GALNT17: variants seen among roughly 807,000 people sequenced by gnomAD.
The protein encoded by GALNT17 is UDP-GalNAc:polypeptide N-acetylgalactosaminyltransferase-like 3.
Under a neutral mutation model 63.7 loss-of-function variants are expected in GALNT17, and 29 were observed. The observed-to-expected ratio is 0.46, with a 90% CI of 0.34 to 0.62. The LOEUF (loss-of-function observed/expected upper bound fraction) is 0.62. Ranked by LOEUF, GALNT17 falls within the 20% of genes least tolerant of loss-of-function variation. The pLI, the probability that GALNT17 is intolerant of heterozygous loss-of-function variation, is 0.01. For synonymous variants in GALNT17, 305 were observed against 318.3 expected (o/e 0.96, Z 0.45); for missense variants, 603 against 799.6 (o/e 0.75, Z 2.97).
At chr7:71,683,158 G>A (rs1341786060) in intron 9 of GALNT17, among the ~76,000 whole-genome samples, 1 of 152,166 alleles carries the variant, frequency 6.6e-6, no homozygotes, top group Non-Finnish European at 1.5e-5. Context: ...TGGGATGGAC[G>A]CTTGTTAAGT....
At chr7:71,553,207 G>A (rs1330520067) in intron 5 of GALNT17, among the ~76,000 whole-genome samples, 2 of 152,028 alleles carry the variant, frequency 1.3e-5, no homozygotes, top group African/African-American at 4.8e-5. Flanking sequence ...TGTGCCTGTA[G>A]TCCCGGCTAC....
At chr7:71,693,878 G>C (rs1791500110) in intron 9 of GALNT17, among the ~76,000 whole-genome samples, 1 of 151,576 alleles carries the variant, frequency 6.6e-6, no homozygotes, top group South Asian at 2.1e-4. Context: ...GCTGGAGCAA[G>C]ACCCCAGTTA....
intron 5 of GALNT17, among the ~76,000 whole-genome samples, chr7:71,453,034 T>G (rs536080611): frequency 1.3e-4 from 20 of 152,326 alleles, no homozygotes; most frequent in African/African-American, 4.8e-4. Context: ...GGTGGTTTAG[T>G]AAGTCCCAGA....
intron 3 of GALNT17, among the ~76,000 whole-genome samples, chr7:71,400,341 G>A (rs1793218544): frequency 6.6e-6 from 1 of 151,898 alleles, no homozygotes; most frequent in African/African-American, 2.4e-5. Context: ...TTTTTTTTAT[G>A]GCTTCATAGT....
At chr7:71,567,538 C>T (rs974453437) in intron 5 of GALNT17, among the ~76,000 whole-genome samples, 9 of 152,356 alleles carry the variant, frequency 5.9e-5, no homozygotes, top group Admixed American at 2.6e-4. Context: ...GATCTTGGCT[C>T]ACTGCAGCCT....
chr7:71,656,841 C>T (rs1167023980), intron 6 of GALNT17, among the ~76,000 whole-genome samples: 2 of 152,062 alleles, frequency 1.3e-5, no homozygotes, highest in South Asian at 2.1e-4. Context: ...ATTTGAGTGA[C>T]GGAGGTCGTG....
chr7:71,165,858 T>C (rs1408213488), intron 1 of GALNT17, among the ~76,000 whole-genome samples: 1 of 151,936 alleles, frequency 6.6e-6, no homozygotes, highest in Non-Finnish European at 1.5e-5. Context: ...GCTGAGTAGG[T>C]GGAGTATGTG....
intron 5 of GALNT17, among the ~76,000 whole-genome samples, chr7:71,530,546 ATTTAT>A (rs527714669): frequency 0.1 from 2,984 of 28,668 alleles, 115 homozygotes; most frequent in African/African-American, 0.32. Context: ...GAATTTATTT[ATTTAT>A]TTATTTATTT....
chr7:71,653,828 A>G (rs1355372044), intron 6 of GALNT17, among the ~76,000 whole-genome samples: 1 of 152,136 alleles, frequency 6.6e-6, no homozygotes, highest in African/African-American at 2.4e-5. Context: ...AGAAAAGAAC[A>G]TTAGTGCTCC....
At chr7:71,704,491 T>C (rs1192144525) in intron 9 of GALNT17, among the ~76,000 whole-genome samples, 1 of 151,098 alleles carries the variant, frequency 6.6e-6, no homozygotes, top group African/African-American at 2.4e-5. Flanking sequence ...CAACTGCCTT[T>C]TTTTTTTTTT....
chr7:71,386,614 C>G (rs571595348), intron 2 of GALNT17, among the ~76,000 whole-genome samples: 1 of 152,104 alleles, frequency 6.6e-6, no homozygotes, highest in African/African-American at 2.4e-5. Context: ...CACCTGGAGC[C>G]GTGGAGAAGG....
rs184715381 is a variant in GALNT17, at chr7:71,509,278, C to A, written c.963-62007C>A. On this transcript the variant is annotated intron_variant, in intron 5 of 10. Transcript: ENST00000333538. The stretch of plus-strand genomic sequence containing the variant: ...AGTGTTCTGAGCACATGTAATATAG[C>A]CTAGGCTAAGCTGTGATATTCTGGA... Among the ~76,000 whole-genome samples the A allele has an allele frequency of 1.6e-3, 237 of 152,330 alleles. 2 individuals carry two copies. The highest frequency in any genetic ancestry group is 5.5e-3 in the African/African-American group (230 of 41,568).
chr7:71,616,474 A>G (rs1790204900), intron 6 of GALNT17, among the ~76,000 whole-genome samples: 1 of 147,564 alleles, frequency 6.8e-6, no homozygotes, highest in Admixed American at 6.8e-5. Flanking sequence ...CATTAATTAT[A>G]TACTAATATA....
intron 2 of GALNT17, among the ~76,000 whole-genome samples, chr7:71,343,119 A>T (rs1437011479): frequency 6.6e-6 from 1 of 152,216 alleles, no homozygotes; most frequent in Non-Finnish European, 1.5e-5. Flanking sequence ...ACCTCTCTTC[A>T]TTGCAAACTA....
chr7:71,297,332 C>T (rs1791100572), intron 1 of GALNT17, among the ~76,000 whole-genome samples: 1 of 152,116 alleles, frequency 6.6e-6, no homozygotes, highest in Non-Finnish European at 1.5e-5. Flanking sequence ...CACCTGAGGT[C>T]TAGGAGTTTG....
At chr7:71,479,729 G>A (rs963800314) in intron 5 of GALNT17, among the ~76,000 whole-genome samples, 1 of 152,128 alleles carries the variant, frequency 6.6e-6, no homozygotes, top group African/African-American at 2.4e-5. Flanking sequence ...TAAGAAAATT[G>A]CATTTGAACA....
chr7:71,212,754 G>C (rs1039419276), intron 1 of GALNT17, among the ~76,000 whole-genome samples: 1 of 152,154 alleles, frequency 6.6e-6, no homozygotes, highest in Non-Finnish European at 1.5e-5. Flanking sequence ...TTTAAAATTG[G>C]ACTGCCCTGC....
At chr7:71,334,107 A>G (rs1209671171) in intron 1 of GALNT17, among the ~76,000 whole-genome samples, 3 of 152,154 alleles carry the variant, frequency 2.0e-5, no homozygotes, top group African/African-American at 7.2e-5. Flanking sequence ...TGAAGAGCAT[A>G]TTGGACGGTG....
chr7:71,294,408 C>G (rs546411305), intron 1 of GALNT17, among the ~76,000 whole-genome samples: 1 of 132,996 alleles, frequency 7.5e-6, no homozygotes, highest in Admixed American at 7.4e-5. Flanking sequence ...TCTCATAAGT[C>G]CTTTTTTTTT....
Sources: allele counts gnomAD v4.1 joint callset (sites outside exome capture counted in the v4.1 genomes callset), GRCh38; gene constraint gnomAD v4.1.1; transcripts MANE v1.5; gene names NCBI Gene and HGNC (gene_info 2026-07-23, HGNC 2026-07-21).